The following ETNK1 variants were observed in gnomAD, a reference collection of about 807,000 sequenced individuals.
ETNK1 encodes the protein putative protein product of Nbla10396.
Under a neutral mutation model 45.1 loss-of-function variants are expected in ETNK1, and 8 were observed. The observed-to-expected ratio is 0.18, with a 90% CI of 0.10 to 0.32. The LOEUF is 0.32. Ranked by LOEUF, ETNK1 falls within the 10% of genes least tolerant of loss-of-function variation. The pLI is 1.00. For synonymous variants in ETNK1, 152 were observed against 151.9 expected (o/e 1.00, Z -0.01); for missense variants, 302 against 430.6 (o/e 0.70, Z 2.64).
chr12:22,658,605 G>A (rs1387167064), intron 2 of ETNK1, among the ~76,000 whole-genome samples: 1 of 152,174 alleles, frequency 6.6e-6, no homozygotes. Context: ...TTTTGGAATT[G>A]GAGAAGAGAG....
intron 3 of ETNK1, among the ~76,000 whole-genome samples, chr12:22,660,713 G>A (rs1002116315): frequency 1.3e-5 from 2 of 151,722 alleles, no homozygotes; most frequent in Non-Finnish European, 2.9e-5. Flanking sequence ...TAAATGCTTT[G>A]TGTCTTAGTT....
chr12:22,683,554 T>C (rs1385671942), intron 6 of ETNK1, among the ~76,000 whole-genome samples: 1 of 152,204 alleles, frequency 6.6e-6, no homozygotes, highest in Non-Finnish European at 1.5e-5. Context: ...ATGATAGATC[T>C]GACACTAAAG....
chr12:22,627,772 A>T (rs1457839790), intron 1 of ETNK1, among the ~76,000 whole-genome samples: 1 of 152,074 alleles, frequency 6.6e-6, no homozygotes, highest in Non-Finnish European at 1.5e-5. Context: ...TTTTTTTCTA[A>T]CATTTTTGTA....
At chr12:22,634,778 C>T (rs1474513966) in intron 1 of ETNK1, among the ~76,000 whole-genome samples, 4 of 152,058 alleles carry the variant, frequency 2.6e-5, no homozygotes, top group Non-Finnish European at 5.9e-5. Context: ...TGGTCTTGAA[C>T]TCCTGAGTTC....
intron 1 of ETNK1, among the ~76,000 whole-genome samples, chr12:22,631,110 A>G (rs902792610): frequency 1.3e-5 from 2 of 152,124 alleles, no homozygotes; most frequent in Non-Finnish European, 2.9e-5. Context: ...GTTTAAAAAG[A>G]TGAGTTAGAA....
intron 6 of ETNK1, among the ~76,000 whole-genome samples, chr12:22,681,601 A>C (rs1165438663): frequency 1.3e-5 from 2 of 151,990 alleles, no homozygotes; most frequent in African/African-American, 2.4e-5. Context: ...AGTATTTAAC[A>C]TATTAGAAGT....
At chr12:22,669,974 T>C (rs1335702323) in intron 4 of ETNK1, among the ~76,000 whole-genome samples, 2 of 152,174 alleles carry the variant, frequency 1.3e-5, no homozygotes, top group East Asian at 3.9e-4. Context: ...TGTGACTTAT[T>C]TAAATAAGTT....
chr12:22,650,526 C>T (rs773743515), intron 2 of ETNK1, among the ~76,000 whole-genome samples: 4 of 151,696 alleles, frequency 2.6e-5, no homozygotes, highest in East Asian at 1.9e-4. Context: ...CTGCACATGT[C>T]GATAGGTTCA....
intron 4 of ETNK1, among the ~76,000 whole-genome samples, chr12:22,662,023 CTG>C (rs942010662): frequency 8.0e-5 from 12 of 149,978 alleles, no homozygotes; most frequent in Non-Finnish European, 1.8e-4. Context: ...GTTTTTGAAA[CTG>C]TTTTCATTTT....
Position 22,666,058 on chromosome 12 carries a change from T to C in ETNK1, c.700+4853T>C, listed in dbSNP as rs140931383. ...TGTAGGCATTTTTACATGCGAATGT[T>C]ATTGGAACAGATAGGCATCACGGGA... On this transcript the variant is annotated intron_variant, in intron 4 of 7. Coordinates refer to ENST00000266517, the MANE Select transcript of ETNK1 (RefSeq NM_018638.5). Among the ~76,000 whole-genome samples, 623 of 152,290 alleles carry C rather than the reference T, an allele frequency of 4.1e-3. 2 individuals are homozygous for C. Among genetic ancestry groups the C allele is most frequent in the South Asian group, 7.2e-3 (35 of 4,834 alleles).
intron 2 of ETNK1, among the ~76,000 whole-genome samples, chr12:22,644,983 A>C (rs932457127): frequency 6.6e-6 from 1 of 151,976 alleles, no homozygotes; most frequent in African/African-American, 2.4e-5. Context: ...GTAAACCTGT[A>C]TCAAATAATA....
At chr12:22,627,152 T>TA (rs1186941596) in intron 1 of ETNK1, among the ~76,000 whole-genome samples, 3 of 149,694 alleles carry the variant, frequency 2.0e-5, no homozygotes, top group Admixed American at 6.6e-5. Flanking sequence ...GTTAAATTAT[T>TA]TTTTTTTTAT....
At chr12:22,676,664 G>A (rs766734326) in intron 6 of ETNK1, among the ~76,000 whole-genome samples, 1 of 151,486 alleles carries the variant, frequency 6.6e-6, no homozygotes, top group Non-Finnish European at 1.5e-5. Flanking sequence ...ATCCTCTCCG[G>A]CATCTATTGT....
rs149949421 is a variant in ETNK1 at position 22,677,066 on chromosome 12, A to G, written c.945+3406A>G. On this transcript the variant is annotated intron_variant, in intron 6 of 7. Coordinates refer to ENST00000266517, the MANE Select transcript of ETNK1 (RefSeq NM_018638.5). ...GGTTGCCATTGCTTTTGGTGTTTGTAGTCATGAAGTCTTTGCCCATGCCTG... is the reference window on the plus strand; with the variant it reads ...GGTTGCCATTGCTTTTGGTGTTTGTGGTCATGAAGTCTTTGCCCATGCCTG... Among the ~76,000 whole-genome samples, 44 of 152,208 alleles carry G rather than the reference A, an allele frequency of 2.9e-4. 1 individual carries two copies. The East Asian group carries it at 8.5e-3, about 29-fold the overall frequency.
At chr12:22,646,435 G>T (rs1953807909) in intron 2 of ETNK1, among the ~76,000 whole-genome samples, 1 of 151,756 alleles carries the variant, frequency 6.6e-6, no homozygotes, top group African/African-American at 2.4e-5. Flanking sequence ...GGGATGATGT[G>T]CTTATTTAGC....
At position 22,661,198 on chromosome 12, in the gene ETNK1, G is replaced by T; in HGVS notation, c.693G>T (p.Glu231Asp). 1 of 1,601,548 alleles carries T rather than the reference G, an allele frequency of 6.2e-7. No individual in the cohort carries two copies. Among genetic ancestry groups the T allele is most frequent in the Non-Finnish European group, 8.5e-7 (1 of 1,177,074 alleles). Residue 231 changes from glutamate to aspartate, a missense_variant, in exon 4 of 8, where the codon GAG becomes GAT. Transcript: ENST00000266517. ...TGTGTAAGAATATAATCTACAATGAGAAACAAGGTAGGTATTTGACCTTAG... is the reference window on the plus strand; with the variant it reads ...TGTGTAAGAATATAATCTACAATGATAAACAAGGTAGGTATTTGACCTTAG... The part of the protein sequence containing the change: ...DLLCKNIIYN[E>D]KQGDVQFIDY...
chr12:22,677,407 C>G (rs915978462), intron 6 of ETNK1, among the ~76,000 whole-genome samples: 17 of 152,314 alleles, frequency 1.1e-4, no homozygotes, highest in African/African-American at 3.8e-4. Flanking sequence ...GTTTTGATTA[C>G]TGTAGCCTTG....
chr12:22,636,560 A>G (rs1252169619), intron 1 of ETNK1, among the ~76,000 whole-genome samples: 2 of 152,146 alleles, frequency 1.3e-5, no homozygotes, highest in Admixed American at 1.3e-4. Context: ...TTGATATGAG[A>G]TAGCTACCTC....
chr12:22,641,283 G>A (rs2137531417), intron 1 of ETNK1, among the ~76,000 whole-genome samples: 1 of 152,194 alleles, frequency 6.6e-6, no homozygotes, highest in Non-Finnish European at 1.5e-5. Context: ...ACAAATCTAT[G>A]ACTTATGGGC....
Sources: allele counts gnomAD v4.1 joint callset (sites outside exome capture counted in the v4.1 genomes callset), GRCh38; gene constraint gnomAD v4.1.1; transcripts MANE v1.5; gene names NCBI Gene and HGNC (gene_info 2026-07-23, HGNC 2026-07-21).